The following ATP8A2 variants were observed in gnomAD, a reference collection of about 807,000 sequenced individuals.
ATP8A2 encodes ATPase phospholipid transporting 8A2.
In ATP8A2, 100 loss-of-function variants were observed where a neutral mutation model predicts 165.6. The ratio of observed to expected loss-of-function variants is 0.60; its 90% CI spans 0.51 to 0.71. ATP8A2 has a LOEUF of 0.71. Among genes scored for constraint, ATP8A2 ranks in the 30% least tolerant of loss-of-function variants. ATP8A2 has a pLI of 0.00. For missense variants in ATP8A2, 1,227 were observed against 1,479.5 expected (o/e 0.83, Z 2.80); for synonymous variants, 543 against 548.8 (o/e 0.99, Z 0.15).
At chr13:25,801,525 C>T (rs565238693) in intron 27 of ATP8A2, among the ~76,000 whole-genome samples, 2 of 152,260 alleles carry the variant, frequency 1.3e-5, no homozygotes, top group Non-Finnish European at 2.9e-5. Flanking sequence ...TGGTACTTCT[C>T]CAGAAGTTTC....
intron 16 of ATP8A2, among the ~76,000 whole-genome samples, chr13:25,565,674 TG>T (rs1370653058): frequency 6.6e-6 from 1 of 152,218 alleles, no homozygotes; most frequent in African/African-American, 2.4e-5. Context: ...TCCCACTCTG[TG>T]GGTTGTCTGT....
intron 1 of ATP8A2, among the ~76,000 whole-genome samples, chr13:25,429,384 A>G (rs1486616822): frequency 6.7e-6 from 1 of 149,164 alleles, no homozygotes; most frequent in African/African-American, 2.5e-5. Context: ...AAAAAAAAAA[A>G]AAAAAAAAAA....
intron 25 of ATP8A2, among the ~76,000 whole-genome samples, chr13:25,720,776 A>G (rs1431091574): frequency 6.6e-6 from 1 of 152,020 alleles, no homozygotes; most frequent in Non-Finnish European, 1.5e-5. Context: ...CTAACTTTTC[A>G]TTCAGCCTTC....
intron 1 of ATP8A2, among the ~76,000 whole-genome samples, chr13:25,413,253 C>G (rs2034024631): frequency 7.0e-6 from 1 of 142,780 alleles, no homozygotes; most frequent in Non-Finnish European, 1.5e-5. Context: ...TGTAGTCAGA[C>G]TTTTTTTTCT....
At chr13:25,579,718 T>C (rs1358809803) in intron 21 of ATP8A2, 90 bp from the exon 22 acceptor site, 5 of 1,471,174 alleles carry the variant, frequency 3.4e-6, no homozygotes, top group Admixed American at 1.8e-5. Flanking sequence ...TTCAATTTTT[T>C]TGGGCATGCT....
intron 24 of ATP8A2, among the ~76,000 whole-genome samples, chr13:25,616,792 A>G (rs2040838399): frequency 6.6e-6 from 1 of 152,122 alleles, no homozygotes; most frequent in Non-Finnish European, 1.5e-5. Flanking sequence ...GTTCACCCTA[A>G]AATATTAGCC....
rs188236534 is a variant in ATP8A2 at position 25,472,251 on chromosome 13, G to A, written c.221+3130G>A. ...TCTACCAAAAATACAAAAATTAGCC[G>A]GGCGTGGTGGTGCTTGCCTGTAGTC... is the stretch of plus-strand genomic sequence containing the variant. On this transcript the variant is annotated intron_variant, in intron 2 of 36. Transcript: ENST00000381655. Among the ~76,000 whole-genome samples, 28 of 152,146 alleles carry A rather than the reference G, an allele frequency of 1.8e-4. No individual in the cohort carries two copies. In the East Asian group the frequency reaches 4.4e-3, roughly 24 times the overall value.
intron 1 of ATP8A2, among the ~76,000 whole-genome samples, chr13:25,388,540 A>G (rs559498311): frequency 6.6e-6 from 1 of 152,264 alleles, no homozygotes; most frequent in Non-Finnish European, 1.5e-5. Context: ...GGCTGCGCGC[A>G]CTGGTAATTA....
intron 34 of ATP8A2, among the ~76,000 whole-genome samples, chr13:25,967,096 T>C (rs920384758): frequency 6.6e-6 from 1 of 152,162 alleles, no homozygotes; most frequent in Non-Finnish European, 1.5e-5. Flanking sequence ...AAAAGACCAC[T>C]TTTGGGGCCC....
At position 25,621,441 on chromosome 13, in the gene ATP8A2, C is replaced by G. The variant is rs1043313172; in HGVS notation, c.2211+31742C>G. Among the ~76,000 whole-genome samples the G allele has an allele frequency of 4.6e-5, 7 of 152,250 alleles. No individual in the cohort carries two copies. In the South Asian group the frequency reaches 6.2e-4, roughly 14 times the overall value. Reference sequence around the variant, plus strand: ...CTACTTAGTGCTTTCTTGCCTCTGTCTCAGATTTTTATGAGCCAAATATTC... The same window carrying G: ...CTACTTAGTGCTTTCTTGCCTCTGTGTCAGATTTTTATGAGCCAAATATTC... On this transcript the variant is annotated intron_variant, in intron 24 of 36. Transcript: ENST00000381655.
chr13:25,843,049 A>G (rs1951781349), intron 30 of ATP8A2, among the ~76,000 whole-genome samples: 2 of 62,418 alleles, frequency 3.2e-5, no homozygotes, highest in African/African-American at 8.9e-5. Flanking sequence ...TCTACAAGGT[A>G]AGAGGCTCTC....
At chr13:25,634,056 T>G (rs2041312075) in intron 24 of ATP8A2, among the ~76,000 whole-genome samples, 6 of 152,202 alleles carry the variant, frequency 3.9e-5, no homozygotes, top group Admixed American at 3.9e-4. Context: ...CAATTGACTA[T>G]TAAGAGTGAT....
At chr13:25,726,226 A>G (rs150945755) in intron 25 of ATP8A2, among the ~76,000 whole-genome samples, 1 of 152,182 alleles carries the variant, frequency 6.6e-6, no homozygotes, top group Non-Finnish European at 1.5e-5. Flanking sequence ...ACCCTTGCTG[A>G]GAAGGTAGTA....
At chr13:25,819,499 C>T (rs28366980) in intron 27 of ATP8A2, among the ~76,000 whole-genome samples, 2,278 of 152,098 alleles carry the variant, frequency 0.015, 53 homozygotes, top group African/African-American at 0.05. Context: ...GCCTACTTAC[C>T]TATTTATTTA....
chr13:25,385,565 C>T (rs1287063182), intron 1 of ATP8A2, among the ~76,000 whole-genome samples: 1 of 152,194 alleles, frequency 6.6e-6, no homozygotes, highest in Non-Finnish European at 1.5e-5. Context: ...ATACCAGGGG[C>T]ATAGAGAGCT....
chr13:25,579,300 G>A (rs1352475788), intron 21 of ATP8A2, among the ~76,000 whole-genome samples: 1 of 152,188 alleles, frequency 6.6e-6, no homozygotes, highest in East Asian at 1.9e-4. Flanking sequence ...CTGATGTCAG[G>A]TGTTCCTGAT....
At chr13:25,781,373 C>A (rs2044874131) in intron 27 of ATP8A2, among the ~76,000 whole-genome samples, 1 of 152,122 alleles carries the variant, frequency 6.6e-6, no homozygotes, top group South Asian at 2.1e-4. Context: ...GTTTTGCAAA[C>A]ATATATTTCC....
chr13:25,383,445 T>C (rs1225695422), intron 1 of ATP8A2, among the ~76,000 whole-genome samples: 1 of 152,144 alleles, frequency 6.6e-6, no homozygotes, highest in African/African-American at 2.4e-5. Context: ...TTTGAAGAGT[T>C]CTTTGTATAT....
At chr13:25,633,694 G>A (rs2041301485) in intron 24 of ATP8A2, among the ~76,000 whole-genome samples, 1 of 152,158 alleles carries the variant, frequency 6.6e-6, no homozygotes, top group African/African-American at 2.4e-5. Flanking sequence ...ATTATAGGGA[G>A]GCTGGACGTG....
Sources: gnomAD v4.1 joint callset for allele counts (sites outside exome capture counted in the v4.1 genomes callset) on GRCh38, gnomAD v4.1.1 for gene constraint, MANE v1.5 for transcripts, NCBI Gene and HGNC (gene_info 2026-07-23, HGNC 2026-07-21) for gene names.